The following DOCK9 variants were observed in gnomAD, a reference collection of about 807,000 sequenced individuals.
The protein encoded by DOCK9 is dedicator of cytokinesis 9, also known as dedicator of cytokinesis protein 9.
Under a neutral mutation model 263.3 loss-of-function variants are expected in DOCK9, and 89 were observed. The observed-to-expected ratio is 0.34, with a 90% CI of 0.28 to 0.40. The LOEUF (loss-of-function observed/expected upper bound fraction) is 0.40, where lower values mean the gene tolerates loss of function less well. Ranked by LOEUF, DOCK9 falls within the 10% of genes least tolerant of loss-of-function variation. The probability of loss-of-function intolerance (pLI) is 1.00; values close to 1 mark genes in which losing one functional copy is unlikely to be tolerated. For missense variants in DOCK9, 2,140 were observed against 2,603.4 expected (o/e 0.82, Z 3.87); for synonymous variants, 976 against 973.1 (o/e 1.00, Z -0.06).
chr13:98,829,868 G>GGA lies in DOCK9; in HGVS notation c.4636-113_4636-112insTC, dbSNP rs1387556961. 1 of 870,054 alleles carries GGA rather than the reference G, an allele frequency of 1.1e-6. No homozygotes were observed. Among genetic ancestry groups the GGA allele is most frequent in the Admixed American group, 2.0e-5 (1 of 48,876 alleles). The allele number at this position is 870,054 out of a possible 1,614,324, so 53.9% of individuals were successfully genotyped here. A position where few individuals can be genotyped will look rare whatever the true frequency, so the allele number is the denominator to read the frequency against. On this transcript the variant is annotated intron_variant, in intron 41 of 52. Coordinates refer to ENST00000682017, the MANE Select transcript of DOCK9 (RefSeq NM_001366683.2). The surrounding 1 kb of genome is among the most constrained non-coding windows in gnomAD (Gnocchi z 4.1). ...AGGACCCAGCAAAGTGGGGGTTGGG[G>GGA]GGTGCTTTGAGCAGGGGTCGCTCCG...
chr13:99,022,914 A>C (rs761949469), intron 1 of DOCK9, among the ~76,000 whole-genome samples: 3 of 152,142 alleles, frequency 2.0e-5, no homozygotes, highest in Non-Finnish European at 4.4e-5. Flanking sequence ...GTGGCACTGC[A>C]CTCCAGCCTG....
chr13:99,045,167 A>T (rs541228321), intron 1 of DOCK9, among the ~76,000 whole-genome samples: 1 of 152,232 alleles, frequency 6.6e-6, no homozygotes, highest in Non-Finnish European at 1.5e-5. Flanking sequence ...TACTTGCCCA[A>T]AGAAAATGAA....
chr13:99,023,247 A>G (rs1886327295), intron 1 of DOCK9, among the ~76,000 whole-genome samples: 1 of 152,160 alleles, frequency 6.6e-6, no homozygotes, highest in Non-Finnish European at 1.5e-5. Context: ...CCATCAGTGG[A>G]TGAACAGATA....
chr13:98,882,458 T>C (rs6491462), intron 23 of DOCK9, among the ~76,000 whole-genome samples: 152,309 of 152,310 alleles, frequency 1, 76,154 homozygotes, highest in Non-Finnish European at 1. Context: ...AAATTTCTAT[T>C]CCATTTCTCA....
intron 23 of DOCK9, among the ~76,000 whole-genome samples, chr13:98,882,344 C>CT (rs1332201543): frequency 6.6e-5 from 10 of 152,210 alleles, no homozygotes; most frequent in African/African-American, 2.4e-4. Flanking sequence ...CAGAGAGATG[C>CT]TGTGTGGCTG....
intron 1 of DOCK9, among the ~76,000 whole-genome samples, chr13:99,067,602 A>G (rs1488050648): frequency 6.6e-6 from 1 of 152,224 alleles, no homozygotes; most frequent in East Asian, 1.9e-4. Context: ...TCAGAAAGGA[A>G]TCAACTCTGC....
intron 1 of DOCK9, among the ~76,000 whole-genome samples, chr13:99,055,708 CCAT>C (rs776390357): frequency 1.3e-4 from 19 of 151,868 alleles, no homozygotes; most frequent in Non-Finnish European, 2.2e-4. Flanking sequence ...TATACTATTA[CCAT>C]AATATTGCAC....
chr13:98,937,087 T>A (rs1386038750), intron 2 of DOCK9, among the ~76,000 whole-genome samples: 1 of 152,192 alleles, frequency 6.6e-6, no homozygotes, highest in East Asian at 1.9e-4. Flanking sequence ...ATAGACCCAA[T>A]GCCCAACATC....
chr13:98,995,766 G>C (rs533822838), intron 1 of DOCK9, among the ~76,000 whole-genome samples: 1 of 152,134 alleles, frequency 6.6e-6, no homozygotes, highest in Non-Finnish European at 1.5e-5. Context: ...GGGATTACAG[G>C]TGTGAGCCAC....
intron 1 of DOCK9, among the ~76,000 whole-genome samples, chr13:98,971,577 G>A (rs2059735281): frequency 1.5e-5 from 1 of 64,962 alleles, no homozygotes; most frequent in Admixed American, 1.6e-4. Flanking sequence ...GTGTTGTGGT[G>A]GGTGCTTGTA....
rs142706449 is a variant in DOCK9, at chr13:98,911,534, A to G, written c.960+2794T>C. The stretch of plus-strand genomic sequence containing the variant: ...CAAGACACACATACACACTATATGT[A>G]TAAATAGTACATTGCCCTTAATAAT... On this transcript the variant is annotated intron_variant, in intron 9 of 52. Coordinates refer to ENST00000682017, the MANE Select transcript of DOCK9 (RefSeq NM_001366683.2). Among the ~76,000 whole-genome samples the G allele has an allele frequency of 3.9e-5, 6 of 152,346 alleles. No homozygotes were observed. The East Asian group carries it at 5.8e-4, about 15-fold the overall frequency.
chr13:98,797,154 C>T lies in DOCK9; in HGVS notation c.6117G>A (p.Arg2039=), dbSNP rs757894128. ...EYQEEMKANY[R]EMAKELSEIM... Reference sequence around the variant, plus strand: ...TTTCAGAAAGCTCCTTCGCCATTTCCCTGTAGTTGGCTTTCATTTCTTCCT... The same window carrying T: ...TTTCAGAAAGCTCCTTCGCCATTTCTCTGTAGTTGGCTTTCATTTCTTCCT... The change falls in exon 52 of 53, where the codon AGG becomes AGA. Residue 2039 remains arginine, a synonymous_variant. Transcript: ENST00000682017. The T allele has an allele frequency of 5.0e-6, 8 of 1,613,884 alleles. No individual in the cohort carries two copies. The highest frequency in any genetic ancestry group is 3.3e-5 in the Admixed American group (2 of 60,002).
rs1368046150 is a variant in DOCK9 at position 98,831,493 on chromosome 13, C to T, written c.4490G>A (p.Cys1497Tyr). The T allele has an allele frequency of 3.1e-6, 5 of 1,590,002 alleles. No individual in the cohort carries two copies. The Admixed American group carries it at 7.1e-5, about 23-fold the overall frequency. Residue 1497 changes from cysteine (C) to tyrosine (Y), a missense_variant, in exon 41 of 53, where the codon TGT becomes TAT. By Grantham distance (194) the Cys-to-Tyr change is radical. Transcript: ENST00000682017. Reference protein sequence around the residue: ...STFYEGRADMCAALCYEILKC... With the variant: ...STFYEGRADMYAALCYEILKC... ...GAGAATCTCGTAACACAGAGCCGCA[C>T]ACATGTCCGCTCTCCCTTCATAGAA...
At chr13:98,862,126 G>A (rs1213992876) in intron 32 of DOCK9, among the ~76,000 whole-genome samples, 1 of 152,114 alleles carries the variant, frequency 6.6e-6, no homozygotes, top group Non-Finnish European at 1.5e-5. Context: ...ACGAGAACAT[G>A]GTTTTCATAC....
At position 98,897,500 on chromosome 13, in the gene DOCK9, G is replaced by C. The variant is rs760378244; in HGVS notation, c.1697C>G (p.Ala566Gly). The C allele has an allele frequency of 1.2e-5, 20 of 1,613,518 alleles. No individual in the cohort carries two copies. The highest frequency in any genetic ancestry group is 1.5e-5 in the Non-Finnish European group (18 of 1,179,756). ...CCTTGAAACTCACTTCCGAAAGTCT[G>C]CAAGTAACTTGAGCATGTCATCATT... ...LSNDDMLKLL[A>G]DFRKPEKMAK... Residue 566 changes from alanine (A) to glycine (G), a missense_variant, in exon 15 of 53, where the codon GCA (alanine) becomes GGA (glycine). Transcript: ENST00000682017.
chr13:98,897,389 T>G, intron 15 of DOCK9, 99 bp downstream of exon 15: 1 of 1,452,336 alleles, frequency 6.9e-7, no homozygotes, highest in African/African-American at 1.4e-5. Context: ...TCCCCTCTGA[T>G]GTCTAAATCG....
At chr13:98,848,223 A>G (rs2093448887) in intron 37 of DOCK9, among the ~76,000 whole-genome samples, 1 of 152,198 alleles carries the variant, frequency 6.6e-6, no homozygotes, top group Non-Finnish European at 1.5e-5. Flanking sequence ...ATGACCTTGG[A>G]AAGTCAAACA....
At chr13:99,043,486 T>C (rs1555300257) in intron 1 of DOCK9, among the ~76,000 whole-genome samples, 1 of 152,132 alleles carries the variant, frequency 6.6e-6, no homozygotes, top group Admixed American at 6.5e-5. Flanking sequence ...TACGGTCTCA[T>C]ATCCTGGGAA....
intron 1 of DOCK9, among the ~76,000 whole-genome samples, chr13:99,065,385 C>T (rs1200887125): frequency 6.6e-6 from 1 of 152,162 alleles, no homozygotes; most frequent in Non-Finnish European, 1.5e-5. Flanking sequence ...TCTGACAACA[C>T]AGTCACTGTA....
Sources: gnomAD v4.1 joint callset for allele counts (sites outside exome capture counted in the v4.1 genomes callset) on GRCh38, gnomAD v4.1.1 for gene constraint, Gnocchi (gnomAD v3.1) non-coding constraint, MANE v1.5 for transcripts, NCBI Gene and HGNC (gene_info 2026-07-23, HGNC 2026-07-21) for gene names.